Variants in LRRC20 observed in about 807,000 individuals in gnomAD.
LRRC20 encodes leucine-rich repeat-containing protein 20.
In LRRC20, 11 loss-of-function variants were observed where a neutral mutation model predicts 14.4. The ratio of observed to expected loss-of-function variants is 0.77; its 90% CI spans 0.48 to 1.27. LRRC20 has a LOEUF of 1.27. LRRC20 is among the 50% of genes most tolerant of loss of function. LRRC20 has a pLI of 0.00. For missense variants in LRRC20, 219 were observed against 251.2 expected, an observed-to-expected ratio of 0.87 and a Z score of 0.87; for synonymous variants, 121 against 107.3, an observed-to-expected ratio of 1.13 and a Z score of -0.79.
intron 3 of LRRC20, among the ~76,000 whole-genome samples, chr10:70,326,272 C>T: frequency 6.7e-6 from 1 of 150,036 alleles, no homozygotes; most frequent in Non-Finnish European, 1.5e-5. Context: ...AAACTGACCC[C>T]TGCCCCCTTC....
chr10:70,302,835 C>T (rs972826076), intron 4 of LRRC20, among the ~76,000 whole-genome samples: 3 of 151,894 alleles, frequency 2.0e-5, no homozygotes, highest in Non-Finnish European at 4.4e-5. Flanking sequence ...CTCAGCCTCC[C>T]GTGTAGCTGG....
intron 3 of LRRC20, among the ~76,000 whole-genome samples, chr10:70,336,271 G>A (rs1400331899): frequency 2.0e-5 from 3 of 152,100 alleles, no homozygotes; most frequent in Non-Finnish European, 1.5e-5. Context: ...GACGGGCAGG[G>A]ATGTGAGAGA....
chr10:70,357,390 G>C (rs1432610357), intron 2 of LRRC20, among the ~76,000 whole-genome samples: 1 of 152,232 alleles, frequency 6.6e-6, no homozygotes, highest in Non-Finnish European at 1.5e-5. Flanking sequence ...GAGGACAACA[G>C]GATCCAACGA....
rs562409877 is a variant in LRRC20 at position 70,315,667 on chromosome 10, A to C, written c.400+8196T>G. Among the ~76,000 whole-genome samples the C allele has an allele frequency of 2.0e-4, 31 of 152,250 alleles. No individual in the cohort carries two copies. In the East Asian group the frequency reaches 5.4e-3, roughly 27 times the overall value. ...GCAACCAGTTTGGAGACGCCCCCCC[A>C]CAGAGGATCAGGGTCAGCATGAAAG... is the stretch of plus-strand genomic sequence containing the variant. On this transcript the variant is annotated intron_variant, in intron 4 of 4. Transcript: ENST00000446961.
intron 2 of LRRC20, among the ~76,000 whole-genome samples, chr10:70,374,083 C>G (rs1589131418): frequency 6.6e-6 from 1 of 152,172 alleles, no homozygotes; most frequent in East Asian, 1.9e-4. Context: ...GGCTCTCCGC[C>G]TGCCAGGCAC....
At position 70,376,476 on chromosome 10, in the gene LRRC20, C is replaced by A. The variant is rs760313081; in HGVS notation, c.58G>T (p.Val20Leu). The A allele has an allele frequency of 6.2e-7, 1 of 1,614,142 alleles. No individual in the cohort carries two copies. The highest frequency in any genetic ancestry group is 8.5e-7 in the Non-Finnish European group (1 of 1,180,036). Residue 20 changes from valine (V) to leucine (L), a missense_variant, in exon 2 of 5, where the codon GTG becomes TTG. Coordinates refer to ENST00000446961, the MANE Select transcript of LRRC20 (RefSeq NM_001278212.2). ...ARVARKVNET[V>L]ESGSDTLDLA... is the part of the protein sequence containing the mutation. ...CCCAGAGTGTCAGAGCCGCTCTCCA[C>A]CGTCTCGTTGACCTTCCTTGCTACT...
At chr10:70,362,842 ATG>A (rs1843797487) in intron 2 of LRRC20, among the ~76,000 whole-genome samples, 1 of 152,198 alleles carries the variant, frequency 6.6e-6, no homozygotes, top group African/African-American at 2.4e-5. Context: ...AACTGAATGT[ATG>A]TGTCACCCCA....
intron 2 of LRRC20, among the ~76,000 whole-genome samples, chr10:70,348,284 T>A (rs1183040506): frequency 6.6e-6 from 1 of 152,040 alleles, no homozygotes; most frequent in Non-Finnish European, 1.5e-5. Context: ...GCACATGGAC[T>A]CTCACCCCTG....
At chr10:70,361,038 A>G (rs1843698569) in intron 2 of LRRC20, among the ~76,000 whole-genome samples, 1 of 144,752 alleles carries the variant, frequency 6.9e-6, no homozygotes, top group Non-Finnish European at 1.5e-5. Flanking sequence ...ACAGAGTGAG[A>G]CCCCATCTCT....
chr10:70,322,556 A>G (rs1842129374), intron 4 of LRRC20, among the ~76,000 whole-genome samples: 1 of 152,168 alleles, frequency 6.6e-6, no homozygotes, highest in Admixed American at 6.5e-5. Context: ...CCTTCTGCTT[A>G]GAGAATACTC....
chr10:70,382,076 C>T (rs1300975424), intron 1 of LRRC20, among the ~76,000 whole-genome samples: 2 of 152,230 alleles, frequency 1.3e-5, no homozygotes, highest in African/African-American at 4.8e-5. Flanking sequence ...ATCGCAGAGG[C>T]CCCGGGGCTC....
chr10:70,319,561 A>G (rs1444106175), intron 4 of LRRC20, among the ~76,000 whole-genome samples: 1 of 152,112 alleles, frequency 6.6e-6, no homozygotes, highest in Non-Finnish European at 1.5e-5. Context: ...TCCATGGCAC[A>G]TCTGCCCTCC....
At chr10:70,337,548 A>G (rs972949002) in intron 3 of LRRC20, among the ~76,000 whole-genome samples, 1 of 152,208 alleles carries the variant, frequency 6.6e-6, no homozygotes, top group African/African-American at 2.4e-5. Context: ...CCACAGATGC[A>G]TGGGCTAAGT....
intron 4 of LRRC20, 98 bp from the exon 5 acceptor site, chr10:70,301,606 G>C: frequency 7.0e-7 from 1 of 1,424,204 alleles, no homozygotes; most frequent in Non-Finnish European, 9.6e-7. Context: ...TGATGGTGAG[G>C]GGCAGCTCTC....
At position 70,299,121 on chromosome 10, in the gene LRRC20, C is replaced by G. The variant is rs1423817414; in HGVS notation, c.*2233G>C. 6.6e-6 allele frequency: 1 copy of G among 152,606 alleles called. No individual in the cohort carries two copies. Among genetic ancestry groups the G allele is most frequent in the Admixed American group, 6.5e-5 (1 of 15,278 alleles). The allele number at this position is 152,606 out of a possible 1,614,324, so 9.5% of individuals were successfully genotyped here. Reference sequence around the variant, plus strand: ...CAGAGGAGAAAACAACTTCCAGAAGCTGCCCCTTCAAAGGCCTGAGGTGAG... The same window carrying G: ...CAGAGGAGAAAACAACTTCCAGAAGGTGCCCCTTCAAAGGCCTGAGGTGAG... On this transcript the variant is annotated 3_prime_UTR_variant, in exon 5 of 5. Transcript: ENST00000446961.
intron 2 of LRRC20, among the ~76,000 whole-genome samples, chr10:70,360,220 C>T (rs575474204): frequency 1.3e-5 from 2 of 152,210 alleles, no homozygotes; most frequent in South Asian, 4.1e-4. Context: ...ATCCGCATTT[C>T]TTTTATTTTT....
At chr10:70,378,172 T>G (rs1844577554) in intron 1 of LRRC20, among the ~76,000 whole-genome samples, 1 of 152,178 alleles carries the variant, frequency 6.6e-6, no homozygotes. Context: ...AGTTTAATAC[T>G]CATGTGAGTC....
intron 2 of LRRC20, among the ~76,000 whole-genome samples, chr10:70,369,605 CAAAAAAAAAA>C (rs71009298): frequency 7.3e-5 from 5 of 68,564 alleles, no homozygotes; most frequent in Non-Finnish European, 1.3e-4. Flanking sequence ...GACGCTGTCT[CAAAAAAAAAA>C]AAAAAAAAAA....
At chr10:70,327,588 A>C (rs1842377746) in intron 3 of LRRC20, among the ~76,000 whole-genome samples, 1 of 152,170 alleles carries the variant, frequency 6.6e-6, no homozygotes, top group South Asian at 2.1e-4. Flanking sequence ...CTAAAAAAAA[A>C]AAAAAAGTAA....
Sources: gnomAD v4.1 joint callset for allele counts (sites outside exome capture counted in the v4.1 genomes callset) on GRCh38, gnomAD v4.1.1 for gene constraint, MANE v1.5 for transcripts, NCBI Gene and HGNC (gene_info 2026-07-23, HGNC 2026-07-21) for gene names.